The following ALG9 variants were observed in gnomAD, a reference collection of about 807,000 sequenced individuals.
ALG9 encodes alpha-1,2-mannosyltransferase ALG9.
Under a neutral mutation model 81.8 loss-of-function variants are expected in ALG9, and 55 were observed. The ratio of observed to expected loss-of-function variants is 0.67; its 90% confidence interval spans 0.54 to 0.84. The LOEUF (loss-of-function observed/expected upper bound fraction) is 0.84. Among genes scored for constraint, ALG9 ranks in the 40% least tolerant of loss-of-function variants. The probability of loss-of-function intolerance (pLI) is 0.00; values close to 1 mark genes in which losing one functional copy is unlikely to be tolerated. For missense variants in ALG9, 629 were observed against 745.0 expected, an observed-to-expected ratio of 0.84 and a Z score of 1.81; for synonymous variants, 278 against 274.3, an observed-to-expected ratio of 1.01 and a Z score of -0.13.
At chr11:111,828,826 T>C (rs1425850400) in intron 13 of ALG9, 3 of 152,192 alleles carry the variant, frequency 2.0e-5, no homozygotes, top group Non-Finnish European at 4.4e-5. Flanking sequence ...ACAAAAAACA[T>C]CTTACAAAAT....
At chr11:111,849,103 T>C (rs1957361460) in intron 8 of ALG9, among the ~76,000 whole-genome samples, 1 of 151,954 alleles carries the variant, frequency 6.6e-6, no homozygotes, top group African/African-American at 2.4e-5. Context: ...CAGGCTGGAG[T>C]GCAGTCGTGC....
At chr11:111,827,540 GA>G (rs1953557180) in intron 13 of ALG9, among the ~76,000 whole-genome samples, 1 of 152,084 alleles carries the variant, frequency 6.6e-6, no homozygotes, top group African/African-American at 2.4e-5. Flanking sequence ...ACCAACGAAT[GA>G]AAAGAGTAAG....
At chr11:111,798,157 T>C (rs1555077071) in intron 14 of ALG9, 1 of 267,474 alleles carries the variant, frequency 3.7e-6, no homozygotes, top group Non-Finnish European at 7.6e-6. Flanking sequence ...GAACAGAGAT[T>C]GTGTCACTGC....
chr11:111,777,837 G>GA (rs1257946888), downstream of ALG9, among the ~76,000 whole-genome samples: 1 of 152,210 alleles, frequency 6.6e-6, no homozygotes, highest in African/African-American at 2.4e-5. Context: ...AGGGAGACAA[G>GA]AAAGAGGTGA....
At chr11:111,800,766 GTA>G (rs369168977) in intron 14 of ALG9, among the ~76,000 whole-genome samples, 19 of 152,222 alleles carry the variant, frequency 1.2e-4, no homozygotes, top group African/African-American at 4.6e-4. Context: ...CAGCGACCTG[GTA>G]TGTACTGTTA....
chr11:111,850,590 C>T (rs1957608248), intron 8 of ALG9, among the ~76,000 whole-genome samples: 2 of 151,010 alleles, frequency 1.3e-5, no homozygotes, highest in South Asian at 4.2e-4. Flanking sequence ...GCCTGTAATC[C>T]CAGCTACTAG....
chr11:111,831,656 T>C (rs1414963601), intron 13 of ALG9, among the ~76,000 whole-genome samples: 2 of 152,206 alleles, frequency 1.3e-5, no homozygotes, highest in Non-Finnish European at 2.9e-5. Flanking sequence ...CCTTTTATCC[T>C]AGGGCTAATC....
At chr11:111,851,787 C>T (rs2137030622) in intron 8 of ALG9, among the ~76,000 whole-genome samples, 1 of 152,222 alleles carries the variant, frequency 6.6e-6, no homozygotes, top group Non-Finnish European at 1.5e-5. Flanking sequence ...AAACAAGAGG[C>T]AATCACAAAC....
chr11:111,772,882 G>A, the ALG9 span, among the ~76,000 whole-genome samples: 1 of 152,082 alleles, frequency 6.6e-6, no homozygotes, highest in Non-Finnish European at 1.5e-5. Context: ...TCAGACTTGT[G>A]AGGAGTGAGA....
chr11:111,807,799 A>T (rs1266611237), intron 14 of ALG9, among the ~76,000 whole-genome samples: 27 of 152,284 alleles, frequency 1.8e-4, no homozygotes, highest in East Asian at 1.2e-3. Context: ...TCAAAAAAAA[A>T]ATTTTTTGTT....
intron 1 of ALG9, chr11:111,871,032 G>C (rs1964144939): frequency 9.2e-6 from 10 of 1,082,050 alleles, no homozygotes; most frequent in Non-Finnish European, 1.0e-5. Flanking sequence ...GGAGCTGTGA[G>C]GAACAGCCGT....
the ALG9 span, among the ~76,000 whole-genome samples, chr11:111,770,525 CAG>C: frequency 3.3e-5 from 5 of 150,402 alleles, no homozygotes; most frequent in Non-Finnish European, 7.4e-5. Context: ...CTGTCTCTAC[CAG>C]AAAAAAAAAA....
Position 111,844,625 on chromosome 11 carries a change from C to G in ALG9, c.994G>C (p.Glu332Gln). 1 of 1,613,912 alleles carries G rather than the reference C, an allele frequency of 6.2e-7. No individual in the cohort carries two copies. The stretch of plus-strand genomic sequence containing the variant: ...CCATGAAATCTCTGCAGCAGGTATT[C>G]CATAAGAGAAGTCAGTGGTAGGACT... ...LLVLPLTSLM[E>Q]YLLQRFHVQN... Residue 332 changes from glutamate to glutamine, a missense_variant, in exon 9 of 15, where the codon GAA becomes CAA. Glu to Gln is a conservative substitution (Grantham distance 29). Around this residue, in one of 3 missense-constraint regions of ALG9, gnomAD observed 21 missense variants for 52.4 expected, o/e 0.40. Coordinates refer to ENST00000616540, the MANE Select transcript of ALG9 (RefSeq NM_024740.2).
Position 111,782,212 on chromosome 11 carries a change from A to G in ALG9, c.*4185T>C, listed in dbSNP as rs1450672749. ...AAAGAAAATCAAACTGCTACAATTTATTTAACTCTTTCTTTCACAGGAAAT... is the reference window on the plus strand; with the variant it reads ...AAAGAAAATCAAACTGCTACAATTTGTTTAACTCTTTCTTTCACAGGAAAT... On this transcript the variant is annotated 3_prime_UTR_variant, in exon 15 of 15. Transcript: ENST00000616540. 2 of 152,244 alleles carry G rather than the reference A, an allele frequency of 1.3e-5. No individual in the cohort carries two copies. The highest frequency in any genetic ancestry group is 2.9e-5 in the Non-Finnish European group (2 of 68,038). 9.4% of individuals were successfully genotyped at this position (152,244 alleles called of 1,614,324 possible).
At chr11:111,868,492 CA>C (rs1210356202) in intron 3 of ALG9, 109 bp downstream of exon 3, 8 of 1,361,034 alleles carry the variant, frequency 5.9e-6, no homozygotes, top group Admixed American at 2.4e-5. Context: ...GATTCTTCTT[CA>C]AAAAAAGTTC....
In ALG9 at chr11:111,787,618, G is replaced by A. The variant is rs1017445067; in HGVS notation, c.1734-1098C>T. ...ATTACAGGCACCCACCACCACGACCGGCTAATTTTTTTGTATTTTTTAGTA... is the reference window on the plus strand; with the variant it reads ...ATTACAGGCACCCACCACCACGACCAGCTAATTTTTTTGTATTTTTTAGTA... On this transcript the variant is annotated intron_variant, in intron 14 of 14. Coordinates refer to ENST00000616540, the MANE Select transcript of ALG9 (RefSeq NM_024740.2). Among the ~76,000 whole-genome samples the A allele has an allele frequency of 5.0e-4, 76 of 151,318 alleles. 1 individual carries two copies. The highest frequency in any genetic ancestry group is 8.6e-4 in the Non-Finnish European group (58 of 67,758).
At chr11:111,815,013 C>T (rs1555095604) in intron 13 of ALG9, among the ~76,000 whole-genome samples, 2 of 152,130 alleles carry the variant, frequency 1.3e-5, no homozygotes, top group South Asian at 2.1e-4. Flanking sequence ...TTGACCTCAA[C>T]GTGGCTTTTT....
chr11:111,864,508 G>T, intron 4 of ALG9: 1 of 681,158 alleles, frequency 1.5e-6, no homozygotes, highest in Admixed American at 2.1e-5. Context: ...TGATCCAGTG[G>T]ATATTCAAAA....
intron 14 of ALG9, among the ~76,000 whole-genome samples, chr11:111,803,099 T>G (rs75794852): frequency 0.021 from 3,255 of 152,260 alleles, 106 homozygotes; most frequent in African/African-American, 0.073. Context: ...ATAGATTAAA[T>G]AAAATCTCAA....
Sources: gnomAD v4.1 joint callset for allele counts (sites outside exome capture counted in the v4.1 genomes callset) on GRCh38, gnomAD v4.1.1 for gene constraint, gnomAD v4.1.1 regional missense constraint, MANE v1.5 for transcripts, NCBI Gene and HGNC (gene_info 2026-07-23, HGNC 2026-07-21) for gene names.